PPP6R3: variants seen among roughly 807,000 people sequenced by gnomAD.
PPP6R3 encodes protein phosphatase 6 regulatory subunit 3.
In PPP6R3, 38 loss-of-function variants were observed where a neutral mutation model predicts 110.7. The observed-to-expected ratio is 0.34, with a 90% CI of 0.26 to 0.45. PPP6R3 has a LOEUF of 0.45. Ranked by LOEUF, PPP6R3 falls within the 20% of genes least tolerant of loss-of-function variation. PPP6R3 has a pLI of 1.00. For missense variants in PPP6R3, 870 were observed against 1,062.4 expected (o/e 0.82, Z 2.52); for synonymous variants, 369 against 373.5 (o/e 0.99, Z 0.14).
intron 16 of PPP6R3, among the ~76,000 whole-genome samples, chr11:68,589,131 C>T (rs2099587953): frequency 6.6e-6 from 1 of 152,058 alleles, no homozygotes; most frequent in Middle Eastern, 3.2e-3. Flanking sequence ...ATCACTTGAA[C>T]TTGGGAGGCA....
At chr11:68,506,891 T>C (rs2099081319) in intron 1 of PPP6R3, among the ~76,000 whole-genome samples, 1 of 152,210 alleles carries the variant, frequency 6.6e-6, no homozygotes, top group African/African-American at 2.4e-5. Context: ...ATACCTTGGC[T>C]GAGCCCACTA....
At chr11:68,485,155 A>T (rs552871431) in intron 1 of PPP6R3, among the ~76,000 whole-genome samples, 23 of 148,784 alleles carry the variant, frequency 1.5e-4, no homozygotes, top group Admixed American at 1.1e-3. Flanking sequence ...AATATAAATA[A>T]TTTTTTTTTT....
At chr11:68,582,975 A>T (rs1348407548) in intron 14 of PPP6R3, 68 bp from the exon 15 acceptor site, 1 of 1,108,404 alleles carries the variant, frequency 9.0e-7, no homozygotes, top group Non-Finnish European at 1.3e-6. Context: ...ATTTTTCCAT[A>T]AAAATGCTGA....
intron 3 of PPP6R3, among the ~76,000 whole-genome samples, chr11:68,538,474 A>C (rs2099283723): frequency 6.6e-6 from 1 of 152,232 alleles, no homozygotes; most frequent in South Asian, 2.1e-4. Flanking sequence ...TTGGGGTTTC[A>C]GTTAATTATT....
chr11:68,587,182 C>CA (rs1566031510), intron 15 of PPP6R3: 1 of 150,176 alleles, frequency 6.7e-6, no homozygotes, highest in Non-Finnish European at 1.5e-5. Context: ...TAACACCCCC[C>CA]CCCCCCACAT....
At chr11:68,484,015 A>G (rs1028454126) in intron 1 of PPP6R3, among the ~76,000 whole-genome samples, 4 of 152,170 alleles carry the variant, frequency 2.6e-5, no homozygotes, top group East Asian at 1.9e-4. Context: ...AATAATATGC[A>G]TTAAGTTTTC....
intron 19 of PPP6R3, among the ~76,000 whole-genome samples, 181 bp from the exon 20 acceptor site, chr11:68,600,160 T>A (rs2099627207): frequency 6.6e-6 from 1 of 152,166 alleles, no homozygotes; most frequent in Non-Finnish European, 1.5e-5. Flanking sequence ...GGTTTGAGAA[T>A]GTGGGATCAT....
At position 68,614,103 on chromosome 11, in the gene PPP6R3, T is replaced by TAG; in HGVS notation, c.*989_*990dup. 4 of 986,108 alleles carry TAG rather than the reference T, an allele frequency of 4.1e-6. No homozygotes were observed. The highest frequency in any genetic ancestry group is 4.8e-6 in the Non-Finnish European group (4 of 830,166). 61.1% of individuals were successfully genotyped at this position (986,108 alleles called of 1,614,324 possible). On this transcript the variant is annotated 3_prime_UTR_variant, in exon 24 of 24. Coordinates refer to ENST00000393800, the MANE Select transcript of PPP6R3 (RefSeq NM_001164161.2). ...AAAATGCTCGTGCTGCTAATGGAATTAGAGTGCGTTCATTTTACAGGCTAG... is the reference window on the plus strand; with the variant it reads ...AAAATGCTCGTGCTGCTAATGGAATTAGAGAGTGCGTTCATTTTACAGGCTAG...
intron 19 of PPP6R3, among the ~76,000 whole-genome samples, chr11:68,598,416 C>T (rs548664881): frequency 5.4e-4 from 82 of 152,276 alleles, no homozygotes; most frequent in African/African-American, 1.8e-3. Flanking sequence ...AGCGAGGAGG[C>T]GAGCACCCTG....
chr11:68,603,205 C>T (rs1004879090), intron 21 of PPP6R3, 137 bp from the exon 22 acceptor site: 3 of 1,133,552 alleles, frequency 2.6e-6, no homozygotes, highest in Non-Finnish European at 2.5e-6. Flanking sequence ...GCCCAGACAA[C>T]AGCAGGCAGA....
At chr11:68,475,601 C>T (rs1269514992) in intron 1 of PPP6R3, among the ~76,000 whole-genome samples, 4 of 142,450 alleles carry the variant, frequency 2.8e-5, no homozygotes, top group African/African-American at 7.7e-5. Context: ...CCCCCCACCT[C>T]CCTCCCGGAC....
Position 68,613,488 on chromosome 11 carries a change from G to C in PPP6R3, c.*371G>C, listed in dbSNP as rs1944495032. The C allele has an allele frequency of 1.0e-6, 1 of 995,182 alleles. No homozygotes were observed. The highest frequency in any genetic ancestry group is 1.2e-6 in the Non-Finnish European group (1 of 836,512). The allele number at this position is 995,182 out of a possible 1,614,324, so 61.6% of individuals were successfully genotyped here. On this transcript the variant is annotated 3_prime_UTR_variant, in exon 24 of 24. Coordinates refer to ENST00000393800, the MANE Select transcript of PPP6R3 (RefSeq NM_001164161.2). ...TCTATTGTATTTGAAACATAACTTTGACAATTATTAGTGTGACCAAAGTAT... is the reference window on the plus strand; with the variant it reads ...TCTATTGTATTTGAAACATAACTTTCACAATTATTAGTGTGACCAAAGTAT...
intron 3 of PPP6R3, among the ~76,000 whole-genome samples, chr11:68,539,982 A>G (rs2099302846): frequency 6.6e-6 from 1 of 152,222 alleles, no homozygotes; most frequent in African/African-American, 2.4e-5. Flanking sequence ...TAATGTGCTC[A>G]TGTGCTTGGT....
At chr11:68,551,093 A>G in intron 5 of PPP6R3, 28 bp from the exon 6 acceptor site, 2 of 1,508,940 alleles carry the variant, frequency 1.3e-6, no homozygotes, top group South Asian at 1.2e-5. Context: ...ACTCATTGCT[A>G]TGATTACTTC....
Position 68,588,020 on chromosome 11 carries a change from G to A in PPP6R3, c.1726G>A (p.Gly576Ser). ...GAAGTTTGCAGATCAAGATGACATTGGCAAGTGAGTATGTTTTTCTGTTTC... is the reference window on the plus strand; with the variant it reads ...GAAGTTTGCAGATCAAGATGACATTAGCAAGTGAGTATGTTTTTCTGTTTC... ...DEKFADQDDI[G>S]NVSFDRVSDI... Residue 576 changes from glycine to serine, a missense_variant, in exon 16 of 24, where the codon GGC becomes AGC. Physicochemically the swap from Gly to Ser is moderately conservative, Grantham distance 56. Coordinates refer to ENST00000393800, the MANE Select transcript of PPP6R3 (RefSeq NM_001164161.2). 1 of 1,612,822 alleles carries A rather than the reference G, an allele frequency of 6.2e-7. No homozygotes were observed. The highest frequency in any genetic ancestry group is 8.5e-7 in the Non-Finnish European group (1 of 1,178,794).
rs2099407989 is a variant in PPP6R3 at position 68,558,606 on chromosome 11, A to G, written c.772A>G (p.Lys258Glu). The G allele has an allele frequency of 1.2e-6, 2 of 1,613,448 alleles. No homozygotes were observed. The highest frequency in any genetic ancestry group is 1.7e-6 in the Non-Finnish European group (2 of 1,179,772). ...GCAGCTTCTATCAAATATTTTCCAC[A>G]AGGAGAAAAATGAGTCAGCCATAGT... ...IEQLLSNIFH[K>E]EKNESAIVSA... Residue 258 changes from lysine to glutamate, a missense_variant, in exon 8 of 24, where the codon AAG becomes GAG. Coordinates refer to ENST00000393800, the MANE Select transcript of PPP6R3 (RefSeq NM_001164161.2).
rs149066862 is a variant in PPP6R3, at chr11:68,522,296, G to T, written c.-7+2645G>T. ...CAGAAAACATGTCCACTGCCAATCTGTATGAGAATGGAGAGCTCATCTCCT... is the reference window on the plus strand; with the variant it reads ...CAGAAAACATGTCCACTGCCAATCTTTATGAGAATGGAGAGCTCATCTCCT... On this transcript the variant is annotated intron_variant, in intron 2 of 23. Coordinates refer to ENST00000393800, the MANE Select transcript of PPP6R3 (RefSeq NM_001164161.2). 1.3e-4 allele frequency among the ~76,000 whole-genome samples: 20 copies of T among 152,362 alleles called. No individual in the cohort carries two copies. The East Asian group carries it at 3.8e-3, about 29-fold the overall frequency.
At chr11:68,607,921 G>GTGCC (rs1941181714) in intron 22 of PPP6R3, among the ~76,000 whole-genome samples, 2 of 151,544 alleles carry the variant, frequency 1.3e-5, no homozygotes, top group Admixed American at 1.3e-4. Flanking sequence ...CTACAGTTGT[G>GTGCC]TGCCACCACT....
Position 68,569,813 on chromosome 11 carries a change from G to A in PPP6R3, c.1194G>A (p.Leu398=), listed in dbSNP as rs753287559. The A allele has an allele frequency of 3.7e-6, 6 of 1,610,742 alleles. No homozygotes were observed. In the African/African-American group the frequency reaches 5.3e-5, roughly 14 times the overall value. ...LHTQVEICIA[L]ILASPFENTE... is the part of the protein sequence containing the mutation. Reference sequence around the variant, plus strand: ...CACAAGTGGAAATTTGTATTGCACTGATTCTTGCAAGTCCTTTTGAAAACA... The same window carrying A: ...CACAAGTGGAAATTTGTATTGCACTAATTCTTGCAAGTCCTTTTGAAAACA... The change falls in exon 11 of 24, where the codon CTG becomes CTA. Residue 398 remains leucine, a synonymous_variant. Coordinates refer to ENST00000393800, the MANE Select transcript of PPP6R3 (RefSeq NM_001164161.2).
Sources: allele counts gnomAD v4.1 joint callset (sites outside exome capture counted in the v4.1 genomes callset), GRCh38; gene constraint gnomAD v4.1.1; transcripts MANE v1.5; gene names NCBI Gene and HGNC (gene_info 2026-07-23, HGNC 2026-07-21).